Variants in CCDC3 observed in about 807,000 individuals in gnomAD.
CCDC3 encodes the protein coiled-coil domain containing 3, also known as coiled-coil domain-containing protein 3.
In CCDC3, 24 loss-of-function variants were observed where a neutral mutation model predicts 21.4. The ratio of observed to expected loss-of-function variants is 1.12; its 90% CI spans 0.81 to 1.58. The LOEUF (loss-of-function observed/expected upper bound fraction) is 1.58. Among genes scored for constraint, CCDC3 ranks in the 40% most tolerant of loss-of-function variants. The pLI is 0.00. For synonymous variants in CCDC3, 186 were observed against 166.0 expected (o/e 1.12, Z -0.93); for missense variants, 425 against 360.9 (o/e 1.18, Z -1.44).
At chr10:12,979,853 G>A (rs202149620) in intron 2 of CCDC3, among the ~76,000 whole-genome samples, 1 of 152,154 alleles carries the variant, frequency 6.6e-6, no homozygotes, top group East Asian at 1.9e-4. Context: ...CAGTAGGACA[G>A]TTTTGCTTTA....
chr10:12,998,630 G>T, intron 1 of CCDC3, 118 bp from the exon 2 acceptor site: 2 of 837,138 alleles, frequency 2.4e-6, no homozygotes, highest in Non-Finnish European at 1.9e-6. Context: ...GTCTGGCATG[G>T]CTCTCATTAG....
chr10:13,068,693 G>A (rs1480708496), intron 4 of CCDC3, among the ~76,000 whole-genome samples: 1 of 152,156 alleles, frequency 6.6e-6, no homozygotes, highest in African/African-American at 2.4e-5. Flanking sequence ...GCTGGAAGGA[G>A]TCAAACCTTG....
chr10:13,064,939 G>T (rs747952285), intron 4 of CCDC3, among the ~76,000 whole-genome samples: 3 of 152,268 alleles, frequency 2.0e-5, no homozygotes, highest in Non-Finnish European at 4.4e-5. Flanking sequence ...GAGGCAATCA[G>T]ATATGCATTT....
intron 1 of CCDC3, among the ~76,000 whole-genome samples, chr10:13,000,601 C>T (rs139287104): frequency 6.6e-6 from 1 of 152,256 alleles, no homozygotes; most frequent in African/African-American, 2.4e-5. Flanking sequence ...CAATCCCGGG[C>T]TACATTCCAC....
Position 12,930,340 on chromosome 10 carries a change from T to TA in CCDC3, c.550-31662dup, listed in dbSNP as rs1318983249. Among the ~76,000 whole-genome samples the TA allele has an allele frequency of 5.3e-5, 8 of 152,340 alleles. 1 individual carries two copies. Among genetic ancestry groups the TA allele is most frequent in the African/African-American group, 1.9e-4 (8 of 41,574 alleles). On this transcript the variant is annotated intron_variant, in intron 2 of 2. Coordinates refer to ENST00000378825, the MANE Select transcript of CCDC3 (RefSeq NM_031455.4). ...CAGACATTTAATAGAGTGATGAATATAATCAGATATTATTTTGAGGGAAAG... is the reference window on the plus strand; with the variant it reads ...CAGACATTTAATAGAGTGATGAATATAAATCAGATATTATTTTGAGGGAAAG...
At chr10:13,018,533 G>A (rs1836101499) in intron 5 of CCDC3, among the ~76,000 whole-genome samples, 2 of 152,136 alleles carry the variant, frequency 1.3e-5, no homozygotes, top group Non-Finnish European at 2.9e-5. Flanking sequence ...CTGCACAGGG[G>A]ACTTAAAATC....
chr10:12,904,188 C>T (rs914444964), intron 2 of CCDC3, among the ~76,000 whole-genome samples: 14 of 152,114 alleles, frequency 9.2e-5, no homozygotes, highest in South Asian at 8.3e-4. Context: ...CTCACTAGGC[C>T]GGGCATGGTG....
chr10:12,937,450 C>T (rs1471482261), intron 2 of CCDC3, among the ~76,000 whole-genome samples: 4 of 152,206 alleles, frequency 2.6e-5, no homozygotes, highest in Non-Finnish European at 5.9e-5. Context: ...CACGTTCTAT[C>T]TCAATGTACT....
chr10:12,922,851 T>C (rs1834473113), intron 2 of CCDC3, among the ~76,000 whole-genome samples: 2 of 152,136 alleles, frequency 1.3e-5, no homozygotes, highest in African/African-American at 4.8e-5. Context: ...AAAGAGATGC[T>C]TCCCCAAATG....
intron 3 of CCDC3, among the ~76,000 whole-genome samples, chr10:13,097,180 C>A (rs1832637432): frequency 6.6e-6 from 1 of 152,148 alleles, no homozygotes; most frequent in Non-Finnish European, 1.5e-5. Context: ...ACCACATCAA[C>A]AAATCAGCTA....
chr10:12,989,484 C>T (rs1811425), intron 2 of CCDC3, among the ~76,000 whole-genome samples: 39,580 of 152,094 alleles, frequency 0.26, 5,839 homozygotes, highest in Admixed American at 0.35. Flanking sequence ...TGTAATGGCA[C>T]GATCTCAGCT....
At chr10:12,965,575 A>T (rs1466761489) in intron 2 of CCDC3, among the ~76,000 whole-genome samples, 1 of 152,258 alleles carries the variant, frequency 6.6e-6, no homozygotes, top group Non-Finnish European at 1.5e-5. Flanking sequence ...CAGTGTCACA[A>T]GACACATAGA....
At chr10:13,007,496 A>G (rs1835938919) in intron 5 of CCDC3, among the ~76,000 whole-genome samples, 1 of 152,186 alleles carries the variant, frequency 6.6e-6, no homozygotes, top group Admixed American at 6.5e-5. Flanking sequence ...CTGCTGATAT[A>G]TATAGGCAGT....
At chr10:13,031,630 T>C (rs890366184) in intron 5 of CCDC3, among the ~76,000 whole-genome samples, 5 of 151,872 alleles carry the variant, frequency 3.3e-5, no homozygotes, top group Non-Finnish European at 5.9e-5. Flanking sequence ...AAGAATCAAA[T>C]AGATGCAACA....
At chr10:12,911,374 C>A (rs1469352185) in intron 2 of CCDC3, among the ~76,000 whole-genome samples, 1 of 152,206 alleles carries the variant, frequency 6.6e-6, no homozygotes, top group South Asian at 2.1e-4. Flanking sequence ...AGAGTCACTG[C>A]TGAATGAAAT....
chr10:13,062,773 T>C (rs112373447), intron 4 of CCDC3, among the ~76,000 whole-genome samples: 10,318 of 152,226 alleles, frequency 0.068, 1,148 homozygotes, highest in African/African-American at 0.24. Flanking sequence ...AATTACGGTT[T>C]AGGAGTCATG....
upstream of CCDC3, among the ~76,000 whole-genome samples, chr10:13,002,988 C>T (rs1411903130): frequency 2.0e-5 from 3 of 152,186 alleles, no homozygotes; most frequent in Non-Finnish European, 4.4e-5. Flanking sequence ...CCCTTATGTC[C>T]TCATTTAATT....
At chr10:13,065,953 T>C (rs1360880241) in intron 4 of CCDC3, among the ~76,000 whole-genome samples, 1 of 152,190 alleles carries the variant, frequency 6.6e-6, no homozygotes, top group Non-Finnish European at 1.5e-5. Flanking sequence ...AGTGAACGAA[T>C]GAGTGGGAAG....
chr10:13,053,768 CTGATAAGCCA>C (rs779505386), intron 4 of CCDC3, among the ~76,000 whole-genome samples: 2 of 152,134 alleles, frequency 1.3e-5, no homozygotes, highest in Non-Finnish European at 2.9e-5. Context: ...TCGTTTGATC[CTGATAAGCCA>C]TGTGGGCAGG....
Sources: gnomAD v4.1 joint callset for allele counts (sites outside exome capture counted in the v4.1 genomes callset) on GRCh38, gnomAD v4.1.1 for gene constraint, MANE v1.5 for transcripts, NCBI Gene and HGNC (gene_info 2026-07-23, HGNC 2026-07-21) for gene names.